Variants in MACROH2A2 observed in about 807,000 individuals in gnomAD.
MACROH2A2 encodes the protein macroH2A.2 histone, also known as core histone macro-H2A.2.
A neutral mutation model predicts 37.6 loss-of-function variants in MACROH2A2; 6 were observed. The observed-to-expected ratio is 0.16, with a 90% CI of 0.09 to 0.32. The LOEUF (loss-of-function observed/expected upper bound fraction) is 0.32, where lower values mean the gene tolerates loss of function less well. MACROH2A2 is among the 10% of genes least tolerant of loss of function. The pLI is 1.00. For missense variants in MACROH2A2, 290 were observed against 485.9 expected, an observed-to-expected ratio of 0.60 and a Z score of 3.79; for synonymous variants, 192 against 202.7, an observed-to-expected ratio of 0.95 and a Z score of 0.45.
In MACROH2A2 at chr10:70,107,054, C is replaced by G. The variant is rs2072342123; in HGVS notation, c.779-1979C>G. ...ATTGTTCAGTCCAAAGAGGGACACT[C>G]TGCTTCTGGTGCACAAATATACGTG... On this transcript the variant is annotated intron_variant, in intron 7 of 8. Coordinates refer to ENST00000373255, the MANE Select transcript of MACROH2A2 (RefSeq NM_018649.3). This position sits in a 1 kb window ranked among gnomAD's most constrained non-coding sequence, Gnocchi z 4.4. Among the ~76,000 whole-genome samples, 2 of 152,142 alleles carry G rather than the reference C, an allele frequency of 1.3e-5. No homozygotes were observed. Among genetic ancestry groups the G allele is most frequent in the Non-Finnish European group, 2.9e-5 (2 of 68,028 alleles).
At chr10:70,064,335 A>C (rs1353680386) in intron 1 of MACROH2A2, among the ~76,000 whole-genome samples, 1 of 152,142 alleles carries the variant, frequency 6.6e-6, no homozygotes, top group African/African-American at 2.4e-5. Context: ...GCGCCACTGC[A>C]CTCCAACCTG....
intron 7 of MACROH2A2, among the ~76,000 whole-genome samples, chr10:70,101,870 C>T (rs4746960): frequency 0.51 from 77,779 of 152,134 alleles, 21,824 homozygotes; most frequent in Non-Finnish European, 0.64. Flanking sequence ...TTTGTTTAAC[C>T]GTTCATTTAC....
In MACROH2A2 at chr10:70,081,089, A is replaced by C. The variant is rs1330375660; in HGVS notation, c.172+5259A>C. Among the ~76,000 whole-genome samples the C allele has an allele frequency of 2.0e-5, 3 of 150,614 alleles. No homozygotes were observed. In the East Asian group the frequency reaches 5.8e-4, roughly 29 times the overall value. ...CTCTCAAAAAAAAAAAAAAAAAAAAAAAAGATGTCCAGAAGAGCAGAGTGG... is the reference window on the plus strand; with the variant it reads ...CTCTCAAAAAAAAAAAAAAAAAAAACAAAGATGTCCAGAAGAGCAGAGTGG... On this transcript the variant is annotated intron_variant, in intron 2 of 8. Transcript: ENST00000373255.
At chr10:70,100,951 A>G (rs1320753257) in intron 7 of MACROH2A2, among the ~76,000 whole-genome samples, 3 of 152,168 alleles carry the variant, frequency 2.0e-5, no homozygotes, top group South Asian at 2.1e-4. Context: ...ATTCAGTGGC[A>G]TTAAGTACTT....
rs1699550292 is a variant in MACROH2A2 at position 70,053,553 on chromosome 10, A to G, written c.-60+553A>G. ...GGCGCGGAGCAGCCGGGCGGAGGTT[A>G]GGGACCCGAGTCCGGGGGCGGGCCG... On this transcript the variant is annotated intron_variant, in intron 1 of 8. Coordinates refer to ENST00000373255, the MANE Select transcript of MACROH2A2 (RefSeq NM_018649.3). The surrounding 1 kb of genome is among the most constrained non-coding windows in gnomAD (Gnocchi z 4.8). Among the ~76,000 whole-genome samples, 1 of 150,038 alleles carries G rather than the reference A, an allele frequency of 6.7e-6. No homozygotes were observed. Among genetic ancestry groups the G allele is most frequent in the Non-Finnish European group, 1.5e-5 (1 of 67,464 alleles).
At chr10:70,067,037 A>G (rs1564540932) in intron 1 of MACROH2A2, among the ~76,000 whole-genome samples, 1 of 152,218 alleles carries the variant, frequency 6.6e-6, no homozygotes. Context: ...AGCTTCCTTC[A>G]GGCACGTGTT....
chr10:70,104,362 GAA>G (rs869029665), intron 7 of MACROH2A2, among the ~76,000 whole-genome samples: 6 of 123,344 alleles, frequency 4.9e-5, no homozygotes, highest in East Asian at 2.3e-4. Flanking sequence ...GGACAGAGAG[GAA>G]AAAAAAAAAA....
Position 70,053,260 on chromosome 10 carries a change from G to A in MACROH2A2, c.-60+260G>A, listed in dbSNP as rs1395831848. On this transcript the variant is annotated intron_variant, in intron 1 of 8. Transcript: ENST00000373255. This position sits in a 1 kb window ranked among gnomAD's most constrained non-coding sequence, Gnocchi z 4.8. ...TCCTGCGGCCAGCGAGGGGCCGGGG[G>A]CGTCGAGGGTACTGAGAGGGGAAGG... 6.6e-6 allele frequency among the ~76,000 whole-genome samples: 1 copy of A among 152,296 alleles called. No individual in the cohort carries two copies. Among genetic ancestry groups the A allele is most frequent in the East Asian group, 1.9e-4 (1 of 5,154 alleles).
In MACROH2A2 at chr10:70,101,079, C is replaced by T. The variant is rs182039816; in HGVS notation, c.778+782C>T. 3.1e-3 allele frequency among the ~76,000 whole-genome samples: 478 copies of T among 152,168 alleles called. 3 individuals are homozygous for T. The highest frequency in any genetic ancestry group is 0.011 in the African/African-American group (447 of 41,496). ...AGGTCATGGGGGTGACAAAGTCCAG[C>T]GGAGTCAAAGGAATGAGAAAAGATA... is the stretch of plus-strand genomic sequence containing the variant. On this transcript the variant is annotated intron_variant, in intron 7 of 8. Coordinates refer to ENST00000373255, the MANE Select transcript of MACROH2A2 (RefSeq NM_018649.3).
intron 1 of MACROH2A2, among the ~76,000 whole-genome samples, chr10:70,067,014 G>T (rs2072083175): frequency 6.6e-6 from 1 of 152,166 alleles, no homozygotes; most frequent in African/African-American, 2.4e-5. Context: ...GTGCAAGAAG[G>T]CCATGATGTG....
intron 1 of MACROH2A2, among the ~76,000 whole-genome samples, chr10:70,059,755 T>G (rs568411113): frequency 6.6e-6 from 1 of 152,300 alleles, no homozygotes; most frequent in African/African-American, 2.4e-5. Flanking sequence ...ACAGCCAAAC[T>G]GGAGGCTCCC....
chr10:70,078,219 C>T (rs187503049), intron 2 of MACROH2A2, among the ~76,000 whole-genome samples: 116 of 152,322 alleles, frequency 7.6e-4, no homozygotes, highest in South Asian at 6.6e-3. Context: ...AGCATCTCCA[C>T]GTCAGCACAC....
intron 7 of MACROH2A2, among the ~76,000 whole-genome samples, chr10:70,108,537 T>C (rs1257966976): frequency 1.3e-5 from 2 of 152,190 alleles, no homozygotes; most frequent in African/African-American, 4.8e-5. Context: ...CTTGCCTCCC[T>C]CTTATCAGGT....
At chr10:70,060,324 T>C (rs1176101942) in intron 1 of MACROH2A2, among the ~76,000 whole-genome samples, 2 of 151,250 alleles carry the variant, frequency 1.3e-5, no homozygotes, top group East Asian at 1.9e-4. Context: ...GAGCCAAGAT[T>C]GCACCACTGC....
intron 1 of MACROH2A2, among the ~76,000 whole-genome samples, chr10:70,064,167 G>A (rs750339123): frequency 9.2e-5 from 14 of 152,164 alleles, no homozygotes; most frequent in Non-Finnish European, 2.1e-4. Flanking sequence ...TCAGGAGTTC[G>A]AGACCAGCCT....
At chr10:70,086,632 G>T (rs1237069565) in intron 2 of MACROH2A2, among the ~76,000 whole-genome samples, 1 of 152,160 alleles carries the variant, frequency 6.6e-6, no homozygotes, top group African/African-American at 2.4e-5. Flanking sequence ...TGATGAACTT[G>T]GGGAGGGCGC....
chr10:70,081,412 G>T (rs759833163), intron 2 of MACROH2A2, among the ~76,000 whole-genome samples: 10 of 152,058 alleles, frequency 6.6e-5, no homozygotes, highest in Non-Finnish European at 1.5e-4. Context: ...CCCAGAGAGA[G>T]CACAGGACCC....
chr10:70,083,599 A>G (rs528763325), intron 2 of MACROH2A2, among the ~76,000 whole-genome samples: 1 of 152,088 alleles, frequency 6.6e-6, no homozygotes, highest in Non-Finnish European at 1.5e-5. Context: ...TCAAAAAAGG[A>G]GGGCACAAAT....
At chr10:70,071,980 A>G (rs1434077166) in intron 1 of MACROH2A2, among the ~76,000 whole-genome samples, 1 of 152,100 alleles carries the variant, frequency 6.6e-6, no homozygotes, top group African/African-American at 2.4e-5. Flanking sequence ...AAAAGAGAAT[A>G]TTTTCCTTAA....
Sources: gnomAD v4.1 joint callset for allele counts (sites outside exome capture counted in the v4.1 genomes callset) on GRCh38, gnomAD v4.1.1 for gene constraint, Gnocchi (gnomAD v3.1) non-coding constraint, MANE v1.5 for transcripts, NCBI Gene and HGNC (gene_info 2026-07-23, HGNC 2026-07-21) for gene names.